GLIS3: variants seen among roughly 807,000 people sequenced by gnomAD.
GLIS3 encodes zinc finger protein GLIS3.
In GLIS3, 53 loss-of-function variants were observed where a neutral mutation model predicts 78.6. The ratio of observed to expected loss-of-function variants is 0.67; its 90% CI spans 0.54 to 0.85. The LOEUF is 0.85. Ranked by LOEUF, GLIS3 falls within the 40% of genes least tolerant of loss-of-function variation. GLIS3 has a pLI of 0.00. For missense variants in GLIS3, 1,703 were observed against 1,231.1 expected (o/e 1.38, Z -5.74); for synonymous variants, 684 against 509.9 (o/e 1.34, Z -4.60).
the GLIS3 span, among the ~76,000 whole-genome samples, chr9:4,389,657 AATCAC>A: frequency 6.6e-6 from 1 of 152,172 alleles, no homozygotes; most frequent in Non-Finnish European, 1.5e-5. Flanking sequence ...TGCCCAAGAC[AATCAC>A]ATCACGTCAA....
At chr9:4,232,284 G>C (rs1046431480) in intron 2 of GLIS3, among the ~76,000 whole-genome samples, 1 of 150,236 alleles carries the variant, frequency 6.7e-6, no homozygotes, top group Non-Finnish European at 1.5e-5. Flanking sequence ...GAGATGCCAA[G>C]GCAGGGGGAT....
intron 4 of GLIS3, among the ~76,000 whole-genome samples, chr9:4,082,781 C>G (rs1386708845): frequency 1.3e-5 from 2 of 152,200 alleles, no homozygotes; most frequent in Non-Finnish European, 2.9e-5. Context: ...ATTCTGGAAA[C>G]ACAATTTTGT....
the GLIS3 span, among the ~76,000 whole-genome samples, chr9:4,463,314 G>C: frequency 6.6e-6 from 1 of 152,244 alleles, no homozygotes; most frequent in East Asian, 1.9e-4. Context: ...AGCTGATAGA[G>C]TAAGAAAAAG....
chr9:4,249,913 G>T (rs1824191459), intron 2 of GLIS3, among the ~76,000 whole-genome samples: 1 of 152,152 alleles, frequency 6.6e-6, no homozygotes, highest in African/African-American at 2.4e-5. Flanking sequence ...TTATGTGATG[G>T]ATTACATTTA....
intron 2 of GLIS3, among the ~76,000 whole-genome samples, chr9:4,241,634 G>C (rs1823322182): frequency 6.6e-6 from 1 of 151,986 alleles, no homozygotes; most frequent in Non-Finnish European, 1.5e-5. Context: ...TAATGCAAGG[G>C]AATTTAACAT....
chr9:4,351,283 T>C (rs1377776122), upstream of GLIS3, among the ~76,000 whole-genome samples: 4 of 151,506 alleles, frequency 2.6e-5, no homozygotes, highest in Non-Finnish European at 5.9e-5. Flanking sequence ...GGTGTGGTTA[T>C]AGTCCCAATA....
At chr9:4,480,596 G>A in the GLIS3 span, among the ~76,000 whole-genome samples, 1 of 152,056 alleles carries the variant, frequency 6.6e-6, no homozygotes, top group Non-Finnish European at 1.5e-5. Context: ...TCATACAGAA[G>A]TGGAACGTTA....
At chr9:3,840,914 A>G (rs1021622093) in intron 9 of GLIS3, among the ~76,000 whole-genome samples, 5 of 152,158 alleles carry the variant, frequency 3.3e-5, no homozygotes, top group Non-Finnish European at 7.3e-5. Context: ...ATCACTGTGA[A>G]CCACATTTTG....
chr9:3,996,177 G>A (rs1208977891), intron 4 of GLIS3, among the ~76,000 whole-genome samples: 2 of 152,060 alleles, frequency 1.3e-5, no homozygotes, highest in Non-Finnish European at 2.9e-5. Context: ...TACCTTTCAA[G>A]AGCAAGAATG....
At chr9:3,912,990 C>T (rs901448875) in intron 6 of GLIS3, among the ~76,000 whole-genome samples, 1 of 152,146 alleles carries the variant, frequency 6.6e-6, no homozygotes, top group Non-Finnish European at 1.5e-5. Flanking sequence ...TAGCATTTTT[C>T]TTTCTATTCA....
chr9:3,917,012 T>A (rs1428905768), intron 6 of GLIS3, among the ~76,000 whole-genome samples: 1 of 152,202 alleles, frequency 6.6e-6, no homozygotes, highest in Non-Finnish European at 1.5e-5. Context: ...AGTGAGTTGG[T>A]CCTTAGCTTA....
At chr9:4,194,092 C>T (rs1818576720) in intron 2 of GLIS3, among the ~76,000 whole-genome samples, 1 of 152,168 alleles carries the variant, frequency 6.6e-6, no homozygotes, top group Non-Finnish European at 1.5e-5. Flanking sequence ...GAGTCTTGCT[C>T]TGTCGCCCAG....
At chr9:3,899,040 A>C (rs1308010717) in intron 6 of GLIS3, 1 of 647,518 alleles carries the variant, frequency 1.5e-6, no homozygotes, top group Admixed American at 2.5e-5. Context: ...GCTTCTGGAA[A>C]AATGTGGCTA....
At chr9:4,344,541 T>G (rs1458376955) in intron 2 of GLIS3, among the ~76,000 whole-genome samples, 1 of 152,210 alleles carries the variant, frequency 6.6e-6, no homozygotes, top group Non-Finnish European at 1.5e-5. Context: ...TTTCTTCTCT[T>G]TCACACTCGC....
chr9:4,283,615 C>T (rs552235860), intron 2 of GLIS3, among the ~76,000 whole-genome samples: 1 of 152,162 alleles, frequency 6.6e-6, no homozygotes, highest in African/African-American at 2.4e-5. Flanking sequence ...TTATCCAACT[C>T]CTTGAGGGAA....
rs1588464662 is a variant in GLIS3 at position 4,019,343 on chromosome 9, T to C, written c.1711-82154A>G. ...TGACATCACAGAGCCAGCAAAGAAATACAGAGGTAGGAATAGACACCACAT... is the reference window on the plus strand; with the variant it reads ...TGACATCACAGAGCCAGCAAAGAAACACAGAGGTAGGAATAGACACCACAT... On this transcript the variant is annotated intron_variant, in intron 4 of 10. Transcript: ENST00000381971. Among the ~76,000 whole-genome samples the C allele has an allele frequency of 3.9e-5, 6 of 152,190 alleles. No homozygotes were observed. The South Asian group carries it at 1.2e-3, about 32-fold the overall frequency.
intron 4 of GLIS3, among the ~76,000 whole-genome samples, chr9:4,074,084 C>T (rs1827848385): frequency 6.6e-6 from 1 of 152,216 alleles, no homozygotes; most frequent in South Asian, 2.1e-4. Context: ...ATTTCTCCAG[C>T]TCCCTTCCGC....
At chr9:4,310,903 G>A (rs1011261423) in intron 2 of GLIS3, among the ~76,000 whole-genome samples, 2 of 152,172 alleles carry the variant, frequency 1.3e-5, no homozygotes, top group African/African-American at 4.8e-5. Flanking sequence ...TCACCCAAAG[G>A]TAGGTCTTTG....
At chr9:3,914,923 C>T (rs774775429) in intron 6 of GLIS3, among the ~76,000 whole-genome samples, 16 of 152,018 alleles carry the variant, frequency 1.1e-4, no homozygotes, top group South Asian at 2.1e-4. Flanking sequence ...AGAGCTTGCC[C>T]GTGGTGTTAT....
Sources: allele counts gnomAD v4.1 joint callset (sites outside exome capture counted in the v4.1 genomes callset), GRCh38; gene constraint gnomAD v4.1.1; transcripts MANE v1.5; gene names NCBI Gene and HGNC (gene_info 2026-07-23, HGNC 2026-07-21).